Variants in CSMD1 observed in about 807,000 individuals in gnomAD.
The protein encoded by CSMD1 is CUB and Sushi multiple domains 1.
In CSMD1, 213 loss-of-function variants were observed where a neutral mutation model predicts 417.5. The ratio of observed to expected loss-of-function variants is 0.51; its 90% confidence interval spans 0.46 to 0.57. The LOEUF (loss-of-function observed/expected upper bound fraction) is 0.57, where lower values mean the gene tolerates loss of function less well. CSMD1 is among the 20% of genes least tolerant of loss of function. The pLI, the probability that CSMD1 is intolerant of heterozygous loss-of-function variation, is 0.00. For synonymous variants in CSMD1, 2,862 were observed against 1,736.8 expected (o/e 1.65, Z -16.11); for missense variants, 6,923 against 4,529.7 (o/e 1.53, Z -15.17).
chr8:4,781,128 G>C (rs926285520), intron 1 of CSMD1, among the ~76,000 whole-genome samples: 1 of 152,124 alleles, frequency 6.6e-6, no homozygotes, highest in Non-Finnish European at 1.5e-5. Context: ...TTCGAGTGCA[G>C]GTGTCACCTG....
intron 5 of CSMD1, among the ~76,000 whole-genome samples, chr8:3,946,191 G>T (rs949674256): frequency 6.6e-6 from 1 of 152,086 alleles, no homozygotes; most frequent in African/African-American, 2.4e-5. Context: ...ATAAATCTCA[G>T]TGGTTTAGCA....
At chr8:4,350,959 C>T (rs1248139516) in intron 3 of CSMD1, among the ~76,000 whole-genome samples, 4 of 152,090 alleles carry the variant, frequency 2.6e-5, no homozygotes, top group African/African-American at 7.2e-5. Flanking sequence ...TGCAAGTCAT[C>T]GTTTAAAGCT....
chr8:4,566,898 T>TGAGAAAAACTCAATTTAGGAAA (rs1204382423), intron 2 of CSMD1, among the ~76,000 whole-genome samples: 2 of 152,092 alleles, frequency 1.3e-5, no homozygotes, highest in African/African-American at 2.4e-5. Context: ...TTTCCAGCAA[T>TGAGAAAAACTCAATTTAGGAAA]GAGAAAAAGT....
intron 3 of CSMD1, among the ~76,000 whole-genome samples, chr8:4,163,544 A>G (rs1797286357): frequency 6.6e-6 from 1 of 152,238 alleles, no homozygotes. Flanking sequence ...AGGTAAAGCT[A>G]CAGCATCATT....
rs748520932 is a variant in CSMD1 at position 4,799,724 on chromosome 8, T to A, written c.86-162166A>T. Among the ~76,000 whole-genome samples, 53 of 151,140 alleles carry A rather than the reference T, an allele frequency of 3.5e-4. 1 individual carries two copies. The highest frequency in any genetic ancestry group is 1.8e-3 in the Admixed American group (28 of 15,140). On this transcript the variant is annotated intron_variant, in intron 1 of 69. Coordinates refer to ENST00000635120, the MANE Select transcript of CSMD1 (RefSeq NM_033225.6). ...ATACAATATTTATTAAAAACAAAAT[T>A]GGCATTACATGTCAAAAAGCTTTAC...
At chr8:4,354,367 A>T (rs1203978809) in intron 3 of CSMD1, among the ~76,000 whole-genome samples, 2 of 152,186 alleles carry the variant, frequency 1.3e-5, no homozygotes, top group Non-Finnish European at 1.5e-5. Context: ...AATATTCACA[A>T]ACCTGGTCAT....
At chr8:3,984,119 A>ATTG (rs1554507178) in intron 5 of CSMD1, among the ~76,000 whole-genome samples, 3 of 150,920 alleles carry the variant, frequency 2.0e-5, no homozygotes, top group Admixed American at 1.3e-4. Context: ...TCTAGAGCAC[A>ATTG]CAGCAGATCT....
chr8:3,878,575 G>C lies in CSMD1; in HGVS notation c.818+119328C>G, dbSNP rs577294914. On this transcript the variant is annotated intron_variant, in intron 5 of 69. Transcript: ENST00000635120. ...ATAGGAAGTATAGAAAAAATTGCGT[G>C]CATTATTTCAAACATTTTTACCGAT... is the stretch of plus-strand genomic sequence containing the variant. 7.2e-5 allele frequency among the ~76,000 whole-genome samples: 11 copies of C among 152,226 alleles called. No individual in the cohort carries two copies. The South Asian group carries it at 2.1e-3, about 29-fold the overall frequency.
At chr8:4,414,745 C>G (rs1180150899) in intron 3 of CSMD1, among the ~76,000 whole-genome samples, 3 of 152,074 alleles carry the variant, frequency 2.0e-5, no homozygotes, top group Non-Finnish European at 2.9e-5. Flanking sequence ...TGGTTGAGTT[C>G]AGATTTTTAT....
chr8:4,008,285 A>G (rs1175852874), intron 4 of CSMD1, among the ~76,000 whole-genome samples: 1 of 152,166 alleles, frequency 6.6e-6, no homozygotes, highest in African/African-American at 2.4e-5. Flanking sequence ...TGTAATTATT[A>G]AAACAAATAT....
chr8:3,549,503 G>C (rs1000285397), intron 10 of CSMD1, among the ~76,000 whole-genome samples: 1 of 152,184 alleles, frequency 6.6e-6, no homozygotes, highest in African/African-American at 2.4e-5. Flanking sequence ...AGAATAGCTT[G>C]GGTCGTCAGG....
chr8:3,923,379 T>G (rs1328859677), intron 5 of CSMD1, among the ~76,000 whole-genome samples: 1 of 152,170 alleles, frequency 6.6e-6, no homozygotes, highest in South Asian at 2.1e-4. Flanking sequence ...CCCATTGCAA[T>G]TTCCTTATTA....
At chr8:4,552,254 G>T (rs1343069830) in intron 2 of CSMD1, among the ~76,000 whole-genome samples, 2 of 152,078 alleles carry the variant, frequency 1.3e-5, no homozygotes, top group Admixed American at 1.3e-4. Context: ...TAACTCATCT[G>T]CTGTGTTTCT....
intron 1 of CSMD1, among the ~76,000 whole-genome samples, chr8:4,766,807 T>A (rs903255620): frequency 6.6e-6 from 1 of 152,196 alleles, no homozygotes; most frequent in Non-Finnish European, 1.5e-5. Context: ...ATATGTTACA[T>A]CAATGGACAT....
intron 3 of CSMD1, among the ~76,000 whole-genome samples, chr8:4,106,500 T>G (rs2194604): frequency 6.6e-6 from 1 of 151,886 alleles, no homozygotes; most frequent in Non-Finnish European, 1.5e-5. Context: ...CCCTGTTCAA[T>G]AGAAACAGAA....
At position 4,690,836 on chromosome 8, in the gene CSMD1, C is replaced by T. The variant is rs372407899; in HGVS notation, c.86-53278G>A. ...CTCTTCCTGCCGGGTTCAAGCAATT[C>T]TGCTGCCTCAGCCTCCTGAGCAGCT... is the stretch of plus-strand genomic sequence containing the variant. On this transcript the variant is annotated intron_variant, in intron 1 of 69. Coordinates refer to ENST00000635120, the MANE Select transcript of CSMD1 (RefSeq NM_033225.6). Among the ~76,000 whole-genome samples the T allele has an allele frequency of 6.4e-4, 97 of 152,302 alleles. No homozygotes were observed. In the South Asian group the frequency reaches 0.02, roughly 31 times the overall value.
Position 3,800,668 on chromosome 8 carries a change from G to C in CSMD1, c.819-46626C>G, listed in dbSNP as rs141675970. Among the ~76,000 whole-genome samples the C allele has an allele frequency of 1.3e-3, 204 of 152,310 alleles. 2 individuals are homozygous for C. The highest frequency in any genetic ancestry group is 4.7e-3 in the African/African-American group (195 of 41,582). On this transcript the variant is annotated intron_variant, in intron 5 of 69. Transcript: ENST00000635120. ...AGACAGAACCCTCATGAACGGCTTG[G>C]TGATATTCTCGTGGGAGTGAGTGAG...
chr8:4,041,077 C>T (rs184752501), intron 3 of CSMD1, among the ~76,000 whole-genome samples: 27,324 of 136,238 alleles, frequency 0.2, 2,936 homozygotes, highest in East Asian at 0.39. Flanking sequence ...AGTGCAGTGG[C>T]GCGATCTCGG....
At chr8:4,247,903 C>G (rs1480792053) in intron 3 of CSMD1, among the ~76,000 whole-genome samples, 1 of 152,066 alleles carries the variant, frequency 6.6e-6, no homozygotes, top group Admixed American at 6.6e-5. Flanking sequence ...TAAATTTTCA[C>G]CCAGATATTA....
Sources: gnomAD v4.1 joint callset for allele counts (sites outside exome capture counted in the v4.1 genomes callset) on GRCh38, gnomAD v4.1.1 for gene constraint, MANE v1.5 for transcripts, NCBI Gene and HGNC (gene_info 2026-07-23, HGNC 2026-07-21) for gene names.